Variants in ATP10B observed in about 807,000 individuals in gnomAD.
ATP10B encodes phospholipid-transporting ATPase VB.
Under a neutral mutation model 141.2 loss-of-function variants are expected in ATP10B, and 122 were observed. That is an observed-to-expected ratio of 0.86 (90% CI 0.75 to 1.00). The LOEUF is 1.00. Ranked by LOEUF, ATP10B falls within the 50% of genes least tolerant of loss-of-function variation. The pLI is 0.00. For synonymous variants in ATP10B, 685 were observed against 692.0 expected, an observed-to-expected ratio of 0.99 and a Z score of 0.16; for missense variants, 1,876 against 1,825.3, an observed-to-expected ratio of 1.03 and a Z score of -0.51.
At chr5:160,804,927 C>T (rs567113687) in intron 1 of ATP10B, among the ~76,000 whole-genome samples, 2 of 152,322 alleles carry the variant, frequency 1.3e-5, no homozygotes, top group East Asian at 3.9e-4. Flanking sequence ...CAAAGTCCTG[C>T]TGTCAGTATT....
chr5:160,865,623 C>A, the ATP10B span, among the ~76,000 whole-genome samples: 5 of 152,040 alleles, frequency 3.3e-5, no homozygotes, highest in Non-Finnish European at 7.4e-5. Flanking sequence ...AAATAATCAG[C>A]AGAGTAAACA....
intron 1 of ATP10B, among the ~76,000 whole-genome samples, chr5:160,823,001 C>CATATATATATATAT (rs60078265): frequency 2.6e-4 from 9 of 34,476 alleles, no homozygotes; most frequent in Non-Finnish European, 3.4e-4. Flanking sequence ...TATATATATA[C>CATATATATATATAT]ATATATATAT....
At chr5:160,680,196 GA>G (rs368021340) in intron 6 of ATP10B, among the ~76,000 whole-genome samples, 8 of 142,358 alleles carry the variant, frequency 5.6e-5, no homozygotes, top group South Asian at 2.2e-4. Context: ...GCACAAAAAT[GA>G]AAAAAAAAAG....
intron 16 of ATP10B, 138 bp downstream of exon 16, chr5:160,617,726 G>T: frequency 1.3e-6 from 1 of 750,484 alleles, no homozygotes; most frequent in Non-Finnish European, 2.1e-6. Context: ...TTGGGTTTTT[G>T]TGGCAAGTCA....
the ATP10B span, among the ~76,000 whole-genome samples, chr5:160,865,843 CA>C: frequency 6.6e-6 from 1 of 152,162 alleles, no homozygotes; most frequent in African/African-American, 2.4e-5. Context: ...CAGGGAAATG[CA>C]AATCAAAACT....
intron 18 of ATP10B, among the ~76,000 whole-genome samples, chr5:160,609,209 T>C (rs79642294): frequency 0.04 from 6,151 of 152,210 alleles, 215 homozygotes; most frequent in African/African-American, 0.093. Flanking sequence ...GTGCTAAAAG[T>C]TTCTTCTAAA....
the ATP10B span, among the ~76,000 whole-genome samples, chr5:160,898,781 G>A: frequency 6.6e-6 from 1 of 152,158 alleles, no homozygotes; most frequent in African/African-American, 2.4e-5. Flanking sequence ...TAAAGAAAAT[G>A]TGGCACATAT....
At chr5:160,862,063 T>C in the ATP10B span, among the ~76,000 whole-genome samples, 1 of 151,966 alleles carries the variant, frequency 6.6e-6, no homozygotes, top group Non-Finnish European at 1.5e-5. Context: ...TCCAGCCTCA[T>C]ACATAATTGG....
intron 3 of ATP10B, among the ~76,000 whole-genome samples, chr5:160,702,548 A>T (rs933051442): frequency 6.6e-6 from 1 of 152,234 alleles, no homozygotes; most frequent in African/African-American, 2.4e-5. Context: ...GCCTCTCCTG[A>T]CACAAGAAAC....
chr5:160,787,716 T>C (rs1342614723), intron 1 of ATP10B, among the ~76,000 whole-genome samples: 1 of 152,128 alleles, frequency 6.6e-6, no homozygotes, highest in East Asian at 1.9e-4. Flanking sequence ...AGCTAGGCAC[T>C]GGAGGAGGTG....
the ATP10B span, among the ~76,000 whole-genome samples, chr5:160,868,508 G>A: frequency 1.6e-5 from 2 of 124,508 alleles, no homozygotes; most frequent in African/African-American, 6.0e-5. Flanking sequence ...AACTTCTAAG[G>A]CATATGAACA....
intron 3 of ATP10B, among the ~76,000 whole-genome samples, chr5:160,691,375 T>C (rs1764068197): frequency 6.6e-6 from 1 of 152,020 alleles, no homozygotes; most frequent in Non-Finnish European, 1.5e-5. Context: ...AAAAAAATGC[T>C]GCTTTACCTA....
At chr5:160,876,564 AC>A in the ATP10B span, among the ~76,000 whole-genome samples, 2 of 148,444 alleles carry the variant, frequency 1.3e-5, no homozygotes, top group East Asian at 4.2e-4. Flanking sequence ...ATAGAGACAC[AC>A]AAAACCCTTC....
chr5:160,826,028 C>T (rs72820522), intron 1 of ATP10B, among the ~76,000 whole-genome samples: 18,365 of 152,148 alleles, frequency 0.12, 1,288 homozygotes, highest in East Asian at 0.18. Context: ...ATGGTATAAA[C>T]GTACCACATT....
At chr5:160,896,533 G>A in the ATP10B span, among the ~76,000 whole-genome samples, 9 of 152,128 alleles carry the variant, frequency 5.9e-5, no homozygotes, top group African/African-American at 9.7e-5. Flanking sequence ...AACAAGTTCT[G>A]AAATTGAGGC....
chr5:160,762,816 G>A (rs1415922477), intron 2 of ATP10B, among the ~76,000 whole-genome samples: 1 of 151,994 alleles, frequency 6.6e-6, no homozygotes, highest in African/African-American at 2.4e-5. Context: ...GTCTTCAAGA[G>A]ACTTATCTGG....
chr5:160,843,419 T>A (rs1775924449), intron 1 of ATP10B, among the ~76,000 whole-genome samples: 1 of 152,048 alleles, frequency 6.6e-6, no homozygotes. Context: ...GGCTTCTAGG[T>A]ATACCCTATT....
chr5:160,812,058 GA>G (rs1773214066), intron 1 of ATP10B, among the ~76,000 whole-genome samples: 2 of 147,666 alleles, frequency 1.4e-5, no homozygotes, highest in Admixed American at 6.7e-5. Flanking sequence ...GAGAGAGAGA[GA>G]GGGAGAGGGA....
chr5:160,632,458 G>T, intron 12 of ATP10B, 91 bp from the exon 13 acceptor site: 2 of 1,206,880 alleles, frequency 1.7e-6, no homozygotes, highest in Non-Finnish European at 2.4e-6. Context: ...GGTGGTAAGA[G>T]CATGGGAAGG....
Sources: gnomAD v4.1 joint callset for allele counts (sites outside exome capture counted in the v4.1 genomes callset) on GRCh38, gnomAD v4.1.1 for gene constraint, MANE v1.5 for transcripts, NCBI Gene and HGNC (gene_info 2026-07-23, HGNC 2026-07-21) for gene names.